The following AGBL4 variants were observed in gnomAD, a reference collection of about 807,000 sequenced individuals.
AGBL4 encodes cytosolic carboxypeptidase 6.
Under a neutral mutation model 66.4 loss-of-function variants are expected in AGBL4, and 58 were observed. The ratio of observed to expected loss-of-function variants is 0.87; its 90% CI spans 0.71 to 1.09. The LOEUF is 1.09. Ranked by LOEUF, AGBL4 falls within the 50% of genes least tolerant of loss-of-function variation. The pLI, the probability that AGBL4 is intolerant of heterozygous loss-of-function variation, is 0.00. For synonymous variants in AGBL4, 234 were observed against 222.9 expected (o/e 1.05, Z -0.44); for missense variants, 579 against 631.0 (o/e 0.92, Z 0.88).
chr1:48,943,014 C>T (rs1178670315), intron 5 of AGBL4, among the ~76,000 whole-genome samples: 1 of 152,164 alleles, frequency 6.6e-6, no homozygotes, highest in African/African-American at 2.4e-5. Flanking sequence ...ATCTTTTCCC[C>T]TTTATCGTAG....
chr1:49,605,764 G>A (rs1028829278), intron 3 of AGBL4, among the ~76,000 whole-genome samples: 1 of 151,154 alleles, frequency 6.6e-6, no homozygotes, highest in African/African-American at 2.4e-5. Flanking sequence ...TATGACCAAG[G>A]GCCACTGAAA....
At chr1:49,745,366 TTATTA>T (rs778965262) in intron 2 of AGBL4, among the ~76,000 whole-genome samples, 165 of 152,152 alleles carry the variant, frequency 1.1e-3, no homozygotes, top group Non-Finnish European at 1.9e-3. Flanking sequence ...CACACAACTT[TTATTA>T]TATTATTACA....
chr1:49,853,997 G>A (rs1386892862), intron 1 of AGBL4, among the ~76,000 whole-genome samples: 4 of 151,952 alleles, frequency 2.6e-5, no homozygotes, highest in Non-Finnish European at 4.4e-5. Context: ...AAGAAATTAA[G>A]AGCTCCAGAA....
chr1:49,825,975 C>A (rs372985740), intron 2 of AGBL4, among the ~76,000 whole-genome samples: 3 of 151,822 alleles, frequency 2.0e-5, no homozygotes, highest in Non-Finnish European at 2.9e-5. Context: ...AAACTTACAA[C>A]CAGAACTGTT....
At chr1:50,000,138 C>T (rs1005293249) in intron 1 of AGBL4, among the ~76,000 whole-genome samples, 4 of 151,994 alleles carry the variant, frequency 2.6e-5, no homozygotes, top group Admixed American at 2.6e-4. Flanking sequence ...AACAGACAAC[C>T]CACAAAGTGA....
At chr1:50,013,399 A>G (rs1661697597) in intron 1 of AGBL4, among the ~76,000 whole-genome samples, 3 of 152,192 alleles carry the variant, frequency 2.0e-5, no homozygotes, top group African/African-American at 4.8e-5. Flanking sequence ...AGAATAAAAA[A>G]TTACCCACCA....
At chr1:49,959,240 G>A (rs1656918608) in intron 1 of AGBL4, among the ~76,000 whole-genome samples, 1 of 151,996 alleles carries the variant, frequency 6.6e-6, no homozygotes, top group African/African-American at 2.4e-5. Flanking sequence ...TTATCAGGCT[G>A]TTTTTAAATG....
intron 3 of AGBL4, among the ~76,000 whole-genome samples, chr1:49,586,842 C>T (rs1053883061): frequency 6.6e-6 from 1 of 152,134 alleles, no homozygotes; most frequent in Admixed American, 6.6e-5. Flanking sequence ...TATTAAATTA[C>T]TTATTCATCT....
At chr1:49,608,862 T>G (rs548015753) in intron 3 of AGBL4, among the ~76,000 whole-genome samples, 68 of 152,324 alleles carry the variant, frequency 4.5e-4, no homozygotes, top group African/African-American at 1.6e-3. Flanking sequence ...TCTTTATAGA[T>G]ACTATAATGT....
intron 3 of AGBL4, among the ~76,000 whole-genome samples, chr1:49,532,410 A>C (rs890904444): frequency 5.3e-5 from 8 of 152,140 alleles, no homozygotes; most frequent in Non-Finnish European, 8.8e-5. Context: ...TCTTTTCACT[A>C]AGTAAAAAGT....
intron 1 of AGBL4, among the ~76,000 whole-genome samples, chr1:49,858,107 T>C (rs1330579119): frequency 6.6e-6 from 1 of 151,780 alleles, no homozygotes; most frequent in Non-Finnish European, 1.5e-5. Flanking sequence ...CCCCAAAACA[T>C]ATGAAAAAAT....
At chr1:48,699,260 C>T (rs923514318) in intron 6 of AGBL4, among the ~76,000 whole-genome samples, 3 of 152,166 alleles carry the variant, frequency 2.0e-5, no homozygotes, top group Non-Finnish European at 4.4e-5. Context: ...TGATACAGAC[C>T]CTTTTAGCCC....
chr1:49,924,488 T>G (rs893990860), intron 1 of AGBL4, among the ~76,000 whole-genome samples: 2 of 152,076 alleles, frequency 1.3e-5, no homozygotes, highest in African/African-American at 4.8e-5. Flanking sequence ...AATAAAAAGT[T>G]TTATTTGGAT....
chr1:49,788,142 T>C (rs1486737150), intron 2 of AGBL4, among the ~76,000 whole-genome samples: 1 of 152,214 alleles, frequency 6.6e-6, no homozygotes, highest in African/African-American at 2.4e-5. Flanking sequence ...AGGACTTTTC[T>C]TGGGGATATG....
chr1:48,687,077 G>A (rs112796114), intron 6 of AGBL4, among the ~76,000 whole-genome samples: 2,497 of 152,168 alleles, frequency 0.016, 73 homozygotes, highest in African/African-American at 0.055. Flanking sequence ...GGGGCAGCGG[G>A]GCAGTCAGGT....
intron 1 of AGBL4, among the ~76,000 whole-genome samples, chr1:49,914,910 A>G (rs535976970): frequency 7.2e-5 from 11 of 152,244 alleles, no homozygotes; most frequent in African/African-American, 2.6e-4. Flanking sequence ...ACTCTCATGT[A>G]ACTAACCCAC....
intron 7 of AGBL4, among the ~76,000 whole-genome samples, chr1:48,661,481 C>T (rs1416778682): frequency 6.6e-6 from 1 of 152,188 alleles, no homozygotes; most frequent in African/African-American, 2.4e-5. Flanking sequence ...GAATGTCATG[C>T]CAGGGAGTTG....
rs530832168 is a variant in AGBL4, at chr1:49,213,710, A to G, written c.377+32060T>C. 2.0e-5 allele frequency among the ~76,000 whole-genome samples: 3 copies of G among 152,252 alleles called. No individual in the cohort carries two copies. In the East Asian group the frequency reaches 5.8e-4, roughly 29 times the overall value. On this transcript the variant is annotated intron_variant, in intron 4 of 13. Coordinates refer to ENST00000371839, the MANE Select transcript of AGBL4 (RefSeq NM_032785.4). ...TATAACAATGCAAAAACAGCCTAAT[A>G]TAATATACAAGAAACTCAAGCTCCT...
chr1:49,038,096 T>C (rs1173142571), intron 5 of AGBL4, among the ~76,000 whole-genome samples: 1 of 152,156 alleles, frequency 6.6e-6, no homozygotes, highest in Non-Finnish European at 1.5e-5. Context: ...TACTCCAATA[T>C]TGTCTGTCTC....
Sources: gnomAD v4.1 joint callset for allele counts (sites outside exome capture counted in the v4.1 genomes callset) on GRCh38, gnomAD v4.1.1 for gene constraint, MANE v1.5 for transcripts, NCBI Gene and HGNC (gene_info 2026-07-23, HGNC 2026-07-21) for gene names.